Variants in COLEC12 observed in about 807,000 individuals in gnomAD.
The protein encoded by COLEC12 is collectin subfamily member 12.
In COLEC12, 33 loss-of-function variants were observed where a neutral mutation model predicts 71.1. The observed-to-expected ratio is 0.46, with a 90% CI of 0.35 to 0.62. COLEC12 has a LOEUF of 0.62. COLEC12 is among the 20% of genes least tolerant of loss of function. COLEC12 has a pLI of 0.00. For synonymous variants in COLEC12, 350 were observed against 353.0 expected, an observed-to-expected ratio of 0.99 and a Z score of 0.10; for missense variants, 765 against 916.1, an observed-to-expected ratio of 0.84 and a Z score of 2.13.
chr18:445,642 T>TTTC (rs1253975342), intron 2 of COLEC12, among the ~76,000 whole-genome samples: 1 of 151,408 alleles, frequency 6.6e-6, no homozygotes, highest in East Asian at 1.9e-4. Context: ...CCACTTTTTT[T>TTTC]TTTTTTTGAG....
At chr18:420,398 G>C (rs552172764) in intron 2 of COLEC12, among the ~76,000 whole-genome samples, 8 of 152,064 alleles carry the variant, frequency 5.3e-5, no homozygotes, top group East Asian at 1.9e-4. Flanking sequence ...GTGATGCCTC[G>C]GTATTTCCAA....
chr18:432,921 T>G (rs1035192313), intron 2 of COLEC12, among the ~76,000 whole-genome samples: 29 of 152,216 alleles, frequency 1.9e-4, no homozygotes, highest in African/African-American at 6.0e-4. Flanking sequence ...GGTTCTTGTC[T>G]CTTTTTTCAC....
intron 2 of COLEC12, among the ~76,000 whole-genome samples, chr18:406,374 T>C (rs1474613233): frequency 6.6e-6 from 1 of 151,326 alleles, no homozygotes. Flanking sequence ...CCAGGCGCGG[T>C]GGCGGGCGCC....
intron 1 of COLEC12, among the ~76,000 whole-genome samples, chr18:495,841 AT>A (rs911697807): frequency 6.6e-6 from 1 of 152,160 alleles, no homozygotes; most frequent in Admixed American, 6.6e-5. Flanking sequence ...CTGAATACTG[AT>A]CCCCCCCGCC....
intron 2 of COLEC12, among the ~76,000 whole-genome samples, chr18:410,592 T>C (rs1167022938): frequency 6.6e-6 from 1 of 152,024 alleles, no homozygotes; most frequent in African/African-American, 2.4e-5. Context: ...GCATGCTGTA[T>C]TTTTGTATTT....
intron 2 of COLEC12, among the ~76,000 whole-genome samples, chr18:465,874 ACCAG>A (rs1917075196): frequency 6.6e-6 from 1 of 152,124 alleles, no homozygotes; most frequent in Admixed American, 6.5e-5. Flanking sequence ...GGAATTCGAG[ACCAG>A]CCTGGGCAAC....
intron 5 of COLEC12, among the ~76,000 whole-genome samples, chr18:342,150 C>T (rs1413333178): frequency 6.6e-6 from 1 of 152,156 alleles, no homozygotes; most frequent in Non-Finnish European, 1.5e-5. Flanking sequence ...CTCCAACTCC[C>T]AGGTTCAAGT....
chr18:350,316 G>GC (rs1435880267), intron 3 of COLEC12, among the ~76,000 whole-genome samples: 7 of 152,056 alleles, frequency 4.6e-5, no homozygotes, highest in African/African-American at 1.7e-4. Context: ...TGTAAGAAGT[G>GC]CCTTTTGCCT....
At chr18:396,748 G>A (rs1385529102) in intron 2 of COLEC12, among the ~76,000 whole-genome samples, 1 of 152,220 alleles carries the variant, frequency 6.6e-6, no homozygotes, top group African/African-American at 2.4e-5. Context: ...GCCTTGGCAA[G>A]AGCTCATAGG....
chr18:395,540 G>C (rs1915552326), intron 2 of COLEC12, among the ~76,000 whole-genome samples: 1 of 152,180 alleles, frequency 6.6e-6, no homozygotes, highest in Non-Finnish European at 1.5e-5. Context: ...AAAAATGTGA[G>C]GTTAAAAGTT....
chr18:412,659 T>C (rs1399932267), intron 2 of COLEC12, among the ~76,000 whole-genome samples: 1 of 152,086 alleles, frequency 6.6e-6, no homozygotes, highest in Non-Finnish European at 1.5e-5. Context: ...TATAGGTAAA[T>C]TTAAAGACAA....
intron 1 of COLEC12, among the ~76,000 whole-genome samples, chr18:497,732 G>C (rs1371492870): frequency 1.3e-5 from 2 of 152,194 alleles, no homozygotes; most frequent in Non-Finnish European, 2.9e-5. Flanking sequence ...TTTATTCTAA[G>C]AATTTACAAG....
intron 2 of COLEC12, among the ~76,000 whole-genome samples, chr18:419,435 AC>A (rs1916053416): frequency 6.6e-6 from 1 of 152,004 alleles, no homozygotes; most frequent in Non-Finnish European, 1.5e-5. Context: ...CAAACTCCTG[AC>A]CTCAGGTGAT....
chr18:347,864 G>A (rs1353870354), intron 4 of COLEC12, among the ~76,000 whole-genome samples: 3 of 151,968 alleles, frequency 2.0e-5, no homozygotes, highest in Non-Finnish European at 4.4e-5. Context: ...TAGTTTTCTT[G>A]GCAGGACTTA....
At chr18:476,429 C>CT (rs1333491606) in intron 2 of COLEC12, among the ~76,000 whole-genome samples, 4 of 152,370 alleles carry the variant, frequency 2.6e-5, no homozygotes, top group African/African-American at 9.6e-5. Flanking sequence ...ACTGGAAACC[C>CT]TTAACTCCAC....
intron 2 of COLEC12, among the ~76,000 whole-genome samples, chr18:443,906 C>T (rs1916594744): frequency 6.6e-6 from 1 of 152,000 alleles, no homozygotes; most frequent in Admixed American, 6.6e-5. Flanking sequence ...GTGGAGTCTC[C>T]TCCCCACTCT....
At chr18:324,781 A>T (rs1267870848) in intron 8 of COLEC12, among the ~76,000 whole-genome samples, 2 of 152,186 alleles carry the variant, frequency 1.3e-5, no homozygotes, top group Non-Finnish European at 2.9e-5. Context: ...GTGACCCAAG[A>T]TCATGCCACT....
chr18:344,459 G>C (rs16942962), intron 5 of COLEC12, among the ~76,000 whole-genome samples: 1 of 152,164 alleles, frequency 6.6e-6, no homozygotes, highest in Non-Finnish European at 1.5e-5. Context: ...CTCACAGTAC[G>C]TGGTTTCTAG....
intron 2 of COLEC12, among the ~76,000 whole-genome samples, chr18:445,110 T>C (rs1200303601): frequency 6.6e-6 from 1 of 152,172 alleles, no homozygotes; most frequent in East Asian, 1.9e-4. Flanking sequence ...GGTGAACATA[T>C]AATAAAGTAA....
Sources: allele counts gnomAD v4.1 joint callset (sites outside exome capture counted in the v4.1 genomes callset), GRCh38; gene constraint gnomAD v4.1.1; transcripts MANE v1.5; gene names NCBI Gene and HGNC (gene_info 2026-07-23, HGNC 2026-07-21).